Variants in NET1 observed in about 807,000 individuals in gnomAD.
NET1 encodes neuroepithelial cell transforming 1.
In NET1, 42 loss-of-function variants were observed where a neutral mutation model predicts 61.1. The observed-to-expected ratio is 0.69, with a 90% CI of 0.54 to 0.89. The LOEUF is 0.89. Ranked by LOEUF, NET1 falls within the 40% of genes least tolerant of loss-of-function variation. The probability of loss-of-function intolerance (pLI) is 0.00; values close to 1 mark genes in which losing one functional copy is unlikely to be tolerated. For missense variants in NET1, 654 were observed against 747.3 expected (o/e 0.88, Z 1.46); for synonymous variants, 254 against 281.8 (o/e 0.90, Z 0.99).
In NET1 at chr10:5,416,247, C is replaced by A. The variant is rs1251090480; in HGVS notation, c.128+3427C>A. Among the ~76,000 whole-genome samples the A allele has an allele frequency of 6.6e-6, 1 of 152,196 alleles. No homozygotes were observed. The highest frequency in any genetic ancestry group is 6.5e-5 in the Admixed American group (1 of 15,276). On this transcript the variant is annotated intron_variant, in intron 1 of 11. Transcript: ENST00000355029. The surrounding 1 kb of genome is among the most constrained non-coding windows in gnomAD (Gnocchi z 6.1). The stretch of plus-strand genomic sequence containing the variant: ...AGACTTTGACTTTTATTCTCTTGAT[C>A]TATATGTAATAGCCCTATGCCATTA...
At chr10:5,436,189 TG>T (rs1386818484) in intron 3 of NET1, among the ~76,000 whole-genome samples, 10 of 14,616 alleles carry the variant, frequency 6.8e-4, no homozygotes, top group South Asian at 4.5e-3. Context: ...GTGTGTGTTG[TG>T]TGTGTGTGTG....
In NET1 at chr10:5,441,533, T is replaced by C. The variant is rs1832525387; in HGVS notation, c.256-10297T>C. ...TGGTCTTACGTTATACTGGAAGTTA[T>C]TCGTTACCTGAGATAAAAAGTCACC... is the stretch of plus-strand genomic sequence containing the variant. On this transcript the variant is annotated intron_variant, in intron 3 of 11. Transcript: ENST00000355029. The surrounding 1 kb of genome is among the most constrained non-coding windows in gnomAD (Gnocchi z 4.6). Among the ~76,000 whole-genome samples, 1 of 152,378 alleles carries C rather than the reference T, an allele frequency of 6.6e-6. No individual in the cohort carries two copies. Among genetic ancestry groups the C allele is most frequent in the East Asian group, 1.9e-4 (1 of 5,186 alleles).
intron 3 of NET1, among the ~76,000 whole-genome samples, chr10:5,438,670 T>C (rs546757788): frequency 6.6e-6 from 1 of 152,192 alleles, no homozygotes; most frequent in Non-Finnish European, 1.5e-5. Flanking sequence ...TAGAAAAGAA[T>C]TAACATTAAT....
At position 5,440,242 on chromosome 10, in the gene NET1, G is replaced by A. The variant is rs77280920; in HGVS notation, c.255+11013G>A. Among the ~76,000 whole-genome samples, 987 of 152,346 alleles carry A rather than the reference G, an allele frequency of 6.5e-3. 35 individuals carry two copies. The East Asian group carries it at 0.11, about 16-fold the overall frequency. On this transcript the variant is annotated intron_variant, in intron 3 of 11. Coordinates refer to ENST00000355029, the MANE Select transcript of NET1 (RefSeq NM_001047160.3). The surrounding 1 kb of genome is among the most constrained non-coding windows in gnomAD (Gnocchi z 4.1). ...AAAACAAAGTGAACAGCTTCAGGACGTGAGCAATCACAGGCTGCTGTCCTT... is the reference window on the plus strand; with the variant it reads ...AAAACAAAGTGAACAGCTTCAGGACATGAGCAATCACAGGCTGCTGTCCTT...
At position 5,417,489 on chromosome 10, in the gene NET1, A is replaced by G. The variant is rs751794855; in HGVS notation, c.128+4669A>G. Among the ~76,000 whole-genome samples the G allele has an allele frequency of 2.6e-5, 4 of 152,186 alleles. No individual in the cohort carries two copies. Among genetic ancestry groups the G allele is most frequent in the Non-Finnish European group, 4.4e-5 (3 of 68,032 alleles). On this transcript the variant is annotated intron_variant, in intron 1 of 11. Coordinates refer to ENST00000355029, the MANE Select transcript of NET1 (RefSeq NM_001047160.3). The surrounding 1 kb of genome is among the most constrained non-coding windows in gnomAD (Gnocchi z 5.5). ...TTTTCAGTTTAATAATTTCAATTGT[A>G]TAGGAATACATACAATTGATTTTTG...
intron 1 of NET1, among the ~76,000 whole-genome samples, chr10:5,414,375 AAATAAGC>A (rs1474405426): frequency 1.3e-5 from 2 of 152,230 alleles, no homozygotes; most frequent in African/African-American, 4.8e-5. Flanking sequence ...TCCATGAGAA[AAATAAGC>A]AACATTTTGG....
intron 1 of NET1, among the ~76,000 whole-genome samples, chr10:5,425,081 A>G (rs1350874833): frequency 2.0e-5 from 3 of 152,208 alleles, no homozygotes; most frequent in Non-Finnish European, 2.9e-5. Context: ...AAATGTGAGG[A>G]ACTACTTGCA....
rs922239104 is a variant in NET1 at position 5,456,467 on chromosome 10, T to G, written c.1385-121T>G. The stretch of plus-strand genomic sequence containing the variant: ...GAAATAATGCATAGGCTTAATGTAT[T>G]CACATTGACATAAATAAATTGCCAT... On this transcript the variant is annotated intron_variant, in intron 11 of 11. Transcript: ENST00000355029. This position sits in a 1 kb window ranked among gnomAD's most constrained non-coding sequence, Gnocchi z 7.0. 1 of 1,118,392 alleles carries G rather than the reference T, an allele frequency of 8.9e-7. No individual in the cohort carries two copies. Among genetic ancestry groups the G allele is most frequent in the African/African-American group, 1.6e-5 (1 of 63,274 alleles). The allele number at this position is 1,118,392 out of a possible 1,614,324, so 69.3% of individuals were successfully genotyped here.
In NET1 at chr10:5,415,280, C is replaced by T. The variant is rs1832060151; in HGVS notation, c.128+2460C>T. Among the ~76,000 whole-genome samples, 1 of 152,266 alleles carries T rather than the reference C, an allele frequency of 6.6e-6. No individual in the cohort carries two copies. Among genetic ancestry groups the T allele is most frequent in the South Asian group, 2.1e-4 (1 of 4,822 alleles). On this transcript the variant is annotated intron_variant, in intron 1 of 11. Coordinates refer to ENST00000355029, the MANE Select transcript of NET1 (RefSeq NM_001047160.3). This position sits in a 1 kb window ranked among gnomAD's most constrained non-coding sequence, Gnocchi z 4.7. ...GTACTACTTAGAACATTTTCATCAC[C>T]TCAAAAAGAGCATTTGTACCCTTTA...
In NET1 at chr10:5,426,646, C is replaced by T; in HGVS notation, c.129-9C>T. On this transcript the variant is annotated splice_polypyrimidine_tract_variant and intron_variant, in intron 1 of 11. Transcript: ENST00000355029. This position sits in a 1 kb window ranked among gnomAD's most constrained non-coding sequence, Gnocchi z 4.6. ...CTCTTTATTTATTGTTTGAATTTTC[C>T]ATTAATAGATGTTCCCTTCGGAGAG... is the stretch of plus-strand genomic sequence containing the variant. 1 of 1,596,278 alleles carries T rather than the reference C, an allele frequency of 6.3e-7. No homozygotes were observed. Among genetic ancestry groups the T allele is most frequent in the Admixed American group, 1.7e-5 (1 of 57,550 alleles).
At chr10:5,425,477 C>T (rs1190077912) in intron 1 of NET1, among the ~76,000 whole-genome samples, 1 of 152,194 alleles carries the variant, frequency 6.6e-6, no homozygotes, top group African/African-American at 2.4e-5. Context: ...ACTACCATAA[C>T]AATTGACCTA....
intron 3 of NET1, among the ~76,000 whole-genome samples, chr10:5,450,939 A>G (rs1285049048): frequency 1.3e-5 from 2 of 152,236 alleles, no homozygotes; most frequent in Non-Finnish European, 2.9e-5. Context: ...CTCGATTTGT[A>G]TATATCTTTC....
At chr10:5,419,291 A>G (rs1244969287) in intron 1 of NET1, among the ~76,000 whole-genome samples, 1 of 147,132 alleles carries the variant, frequency 6.8e-6, no homozygotes. Context: ...TGTGGACAGC[A>G]TATAGTTGGA....
chr10:5,436,984 G>T (rs1206280158), intron 3 of NET1, among the ~76,000 whole-genome samples: 7 of 152,192 alleles, frequency 4.6e-5, no homozygotes, highest in Non-Finnish European at 1.0e-4. Context: ...AAAAATAAAA[G>T]TTAAATACAA....
chr10:5,441,767 T>C lies in NET1; in HGVS notation c.256-10063T>C, dbSNP rs1309758841. Among the ~76,000 whole-genome samples, 3 of 152,242 alleles carry C rather than the reference T, an allele frequency of 2.0e-5. No individual in the cohort carries two copies. The highest frequency in any genetic ancestry group is 7.2e-5 in the African/African-American group (3 of 41,470). ...GAGATTCAAATCACATATAACTTCATTACTAATTTCTTTCGTACTTATCCA... is the reference window on the plus strand; with the variant it reads ...GAGATTCAAATCACATATAACTTCACTACTAATTTCTTTCGTACTTATCCA... On this transcript the variant is annotated intron_variant, in intron 3 of 11. Coordinates refer to ENST00000355029, the MANE Select transcript of NET1 (RefSeq NM_001047160.3). This position sits in a 1 kb window ranked among gnomAD's most constrained non-coding sequence, Gnocchi z 4.6.
intron 1 of NET1, among the ~76,000 whole-genome samples, chr10:5,425,215 C>T (rs1832240699): frequency 6.6e-6 from 1 of 152,092 alleles, no homozygotes; most frequent in Non-Finnish European, 1.5e-5. Context: ...TCCAGACCTC[C>T]TCTTTTACCT....
At chr10:5,438,921 C>A (rs1832480994) in intron 3 of NET1, among the ~76,000 whole-genome samples, 1 of 152,214 alleles carries the variant, frequency 6.6e-6, no homozygotes, top group African/African-American at 2.4e-5. Context: ...ATCATGGCTC[C>A]TGTGCTCATG....
intron 2 of NET1, among the ~76,000 whole-genome samples, chr10:5,428,099 G>C (rs993974974): frequency 1.1e-5 from 1 of 90,812 alleles, no homozygotes; most frequent in African/African-American, 4.5e-5. Flanking sequence ...GTTCAATTTT[G>C]ATTCAATTCC....
chr10:5,425,872 A>G (rs755503784), intron 1 of NET1, among the ~76,000 whole-genome samples: 14 of 152,206 alleles, frequency 9.2e-5, no homozygotes. Context: ...GAAGTAATTA[A>G]TAATAAATAC....
Sources: allele counts gnomAD v4.1 joint callset (sites outside exome capture counted in the v4.1 genomes callset), GRCh38; gene constraint gnomAD v4.1.1; non-coding constraint Gnocchi (gnomAD v3.1); transcripts MANE v1.5; gene names NCBI Gene and HGNC (gene_info 2026-07-23, HGNC 2026-07-21).